The following RUNX1 variants were observed in gnomAD, a reference collection of about 807,000 sequenced individuals.
RUNX1 encodes runt-related transcription factor 1.
Under a neutral mutation model 42.8 loss-of-function variants are expected in RUNX1, and 19 were observed. The ratio of observed to expected loss-of-function variants is 0.44; its 90% CI spans 0.31 to 0.65. The LOEUF (loss-of-function observed/expected upper bound fraction) is 0.65, where lower values mean the gene tolerates loss of function less well. Among genes scored for constraint, RUNX1 ranks in the 30% least tolerant of loss-of-function variants. RUNX1 has a pLI of 0.07. For synonymous variants in RUNX1, 271 were observed against 289.4 expected, an observed-to-expected ratio of 0.94 and a Z score of 0.64; for missense variants, 528 against 672.0, an observed-to-expected ratio of 0.79 and a Z score of 2.37.
At chr21:35,022,492 C>G (rs1438833161) in intron 2 of RUNX1, among the ~76,000 whole-genome samples, 1 of 152,208 alleles carries the variant, frequency 6.6e-6, no homozygotes, top group East Asian at 1.9e-4. Flanking sequence ...TTTCAGCAAT[C>G]ACTGCTGATC....
chr21:34,962,277 A>G (rs979924351), intron 2 of RUNX1, among the ~76,000 whole-genome samples: 5 of 152,176 alleles, frequency 3.3e-5, no homozygotes. Context: ...CTCCCACTAA[A>G]TATTTTTAAA....
At chr21:34,992,335 C>T (rs2058950735) in intron 2 of RUNX1, among the ~76,000 whole-genome samples, 1 of 152,188 alleles carries the variant, frequency 6.6e-6, no homozygotes, top group Non-Finnish European at 1.5e-5. Context: ...TTGGGAGGTA[C>T]ACAGTGCTGG....
chr21:35,034,032 C>G (rs1250880924), intron 2 of RUNX1, among the ~76,000 whole-genome samples: 2 of 152,104 alleles, frequency 1.3e-5, no homozygotes, highest in Non-Finnish European at 2.9e-5. Context: ...ACAAGAGTAC[C>G]AAAGTCACAC....
chr21:34,814,231 G>C (rs2056794929), intron 7 of RUNX1, among the ~76,000 whole-genome samples: 1 of 152,102 alleles, frequency 6.6e-6, no homozygotes, highest in Admixed American at 6.6e-5. Flanking sequence ...ATAAAAGTTG[G>C]TGTCTGTTGC....
At chr21:34,909,146 G>A (rs1408922800) in intron 2 of RUNX1, among the ~76,000 whole-genome samples, 1 of 152,182 alleles carries the variant, frequency 6.6e-6, no homozygotes, top group East Asian at 1.9e-4. Flanking sequence ...GGTCTGATCC[G>A]TGTGGCTCCC....
chr21:34,859,166 T>G (rs1156941764), intron 6 of RUNX1, among the ~76,000 whole-genome samples: 1 of 152,238 alleles, frequency 6.6e-6, no homozygotes, highest in Non-Finnish European at 1.5e-5. Flanking sequence ...TCTGATCCTG[T>G]TGAACTTTAC....
At chr21:34,989,014 CTT>C (rs1555912714) in intron 2 of RUNX1, among the ~76,000 whole-genome samples, 13 of 145,774 alleles carry the variant, frequency 8.9e-5, no homozygotes, top group South Asian at 2.2e-4. Flanking sequence ...CTCTCTCTCT[CTT>C]TTTTTTTTTT....
intron 2 of RUNX1, among the ~76,000 whole-genome samples, chr21:34,959,044 C>T (rs935604544): frequency 6.9e-6 from 1 of 144,784 alleles, no homozygotes; most frequent in Non-Finnish European, 1.5e-5. Flanking sequence ...ACTCTGGGGA[C>T]TGTTGTGGGG....
At chr21:34,855,236 A>C (rs140000309) in intron 6 of RUNX1, among the ~76,000 whole-genome samples, 5 of 152,206 alleles carry the variant, frequency 3.3e-5, no homozygotes, top group Non-Finnish European at 2.9e-5. Flanking sequence ...TCCTTGGCAA[A>C]ATATCTTCCT....
chr21:34,792,787 G>A lies in RUNX1; in HGVS notation c.968-177C>T, dbSNP rs933681451. Among the ~76,000 whole-genome samples, 1 of 151,096 alleles carries A rather than the reference G, an allele frequency of 6.6e-6. No individual in the cohort carries two copies. The highest frequency in any genetic ancestry group is 1.9e-4 in the East Asian group (1 of 5,136). ...CCCGGGATGCTACTCCCAAGAGGAC[G>A]AGGATTACCCAGGATGCTATACCCA... On this transcript the variant is annotated intron_variant, in intron 8 of 8. Transcript: ENST00000675419. The surrounding 1 kb of genome is among the most constrained non-coding windows in gnomAD (Gnocchi z 6.9).
chr21:34,923,365 T>C (rs541892287), intron 2 of RUNX1, among the ~76,000 whole-genome samples: 1 of 152,322 alleles, frequency 6.6e-6, no homozygotes, highest in Admixed American at 6.5e-5. Context: ...CAGTTCAGAA[T>C]TGGATTTGTG....
At chr21:34,985,500 A>C (rs1025015270) in intron 2 of RUNX1, among the ~76,000 whole-genome samples, 5 of 152,198 alleles carry the variant, frequency 3.3e-5, no homozygotes, top group African/African-American at 9.7e-5. Flanking sequence ...GAGATCTTGG[A>C]GATGACACGA....
In RUNX1 at chr21:34,834,304, A is replaced by AG. The variant is rs770539421; in HGVS notation, c.805+105dup. On this transcript the variant is annotated intron_variant, in intron 7 of 8. Transcript: ENST00000675419. ...GTTCGAGGCCTTTCTCTGAGCATCAAGGGGAAACCCCAGTTGGTCTGGGAA... is the reference window on the plus strand; with the variant it reads ...GTTCGAGGCCTTTCTCTGAGCATCAAGGGGGAAACCCCAGTTGGTCTGGGAA... 3.4e-6 allele frequency: 4 copies of AG among 1,184,366 alleles called. No homozygotes were observed. In the South Asian group the frequency reaches 4.9e-5, roughly 14 times the overall value. 73.4% of individuals were successfully genotyped at this position (1,184,366 alleles called of 1,614,324 possible).
At chr21:34,854,166 T>C (rs962417924) in intron 6 of RUNX1, among the ~76,000 whole-genome samples, 2 of 152,184 alleles carry the variant, frequency 1.3e-5, no homozygotes, top group African/African-American at 4.8e-5. Flanking sequence ...ATTCTCCATA[T>C]ATAAAGATCC....
Position 34,901,662 on chromosome 21 carries a change from T to C in RUNX1, c.59-8699A>G, listed in dbSNP as rs1339394929. Among the ~76,000 whole-genome samples the C allele has an allele frequency of 1.3e-5, 2 of 152,216 alleles. No homozygotes were observed. The highest frequency in any genetic ancestry group is 4.8e-5 in the African/African-American group (2 of 41,458). ...TCTTTGGTGTGGGCCCTTCTCCACA[T>C]GCTCTTTGGTTCCGTCAGCTACAGA... On this transcript the variant is annotated intron_variant, in intron 2 of 8. Transcript: ENST00000675419. This position sits in a 1 kb window ranked among gnomAD's most constrained non-coding sequence, Gnocchi z 4.3.
At chr21:34,867,709 C>T (rs1487741814) in intron 5 of RUNX1, among the ~76,000 whole-genome samples, 1 of 152,210 alleles carries the variant, frequency 6.6e-6, no homozygotes, top group Non-Finnish European at 1.5e-5. Flanking sequence ...TTCTAATCTT[C>T]CTTTTCCTTT....
intron 2 of RUNX1, among the ~76,000 whole-genome samples, chr21:34,914,110 C>A (rs1173122430): frequency 6.6e-6 from 1 of 152,174 alleles, no homozygotes; most frequent in Non-Finnish European, 1.5e-5. Flanking sequence ...GCCATTCCAT[C>A]AAAACGTGGT....
At chr21:34,796,596 G>A (rs1315918238) in intron 8 of RUNX1, among the ~76,000 whole-genome samples, 2 of 152,158 alleles carry the variant, frequency 1.3e-5, no homozygotes, top group Non-Finnish European at 2.9e-5. Context: ...CCCATTGATG[G>A]GGCTAAATAT....
intron 2 of RUNX1, among the ~76,000 whole-genome samples, chr21:35,044,012 G>C (rs1413153159): frequency 1.3e-5 from 2 of 152,192 alleles, no homozygotes; most frequent in Non-Finnish European, 2.9e-5. Context: ...TGTGTGTTCA[G>C]ATCAAAGACT....
Sources: allele counts gnomAD v4.1 joint callset (sites outside exome capture counted in the v4.1 genomes callset), GRCh38; gene constraint gnomAD v4.1.1; non-coding constraint Gnocchi (gnomAD v3.1); transcripts MANE v1.5; gene names NCBI Gene and HGNC (gene_info 2026-07-23, HGNC 2026-07-21).